AKAP6: variants seen among roughly 807,000 people sequenced by gnomAD.
AKAP6 encodes A-kinase anchor protein 6.
In AKAP6, 58 loss-of-function variants were observed where a neutral mutation model predicts 188.5. The ratio of observed to expected loss-of-function variants is 0.31; its 90% CI spans 0.25 to 0.38. The LOEUF (loss-of-function observed/expected upper bound fraction) is 0.38. AKAP6 is among the 10% of genes least tolerant of loss of function. The pLI is 1.00. For missense variants in AKAP6, 2,710 were observed against 2,740.0 expected (o/e 0.99, Z 0.24); for synonymous variants, 989 against 998.6 (o/e 0.99, Z 0.18).
At chr14:32,509,551 T>A (rs537465530) in intron 2 of AKAP6, among the ~76,000 whole-genome samples, 1 of 152,244 alleles carries the variant, frequency 6.6e-6, no homozygotes. Context: ...TAAAAAAGTT[T>A]AAAAAAATCC....
chr14:32,685,866 G>A (rs1054216604), intron 8 of AKAP6, among the ~76,000 whole-genome samples: 2 of 152,112 alleles, frequency 1.3e-5, no homozygotes, highest in Non-Finnish European at 2.9e-5. Flanking sequence ...AACCACTATG[G>A]AGAACAGTTT....
intron 7 of AKAP6, among the ~76,000 whole-genome samples, chr14:32,632,870 C>T (rs967685196): frequency 4.6e-5 from 7 of 152,030 alleles, no homozygotes; most frequent in African/African-American, 1.7e-4. Flanking sequence ...TTGGGGGTAA[C>T]TTGTTTGTAC....
At chr14:32,742,018 T>G (rs60325613) in intron 11 of AKAP6, among the ~76,000 whole-genome samples, 137 of 151,316 alleles carry the variant, frequency 9.1e-4, no homozygotes, top group African/African-American at 3.2e-3. Context: ...TTTTCTTTAC[T>G]GGGGGATTTT....
intron 2 of AKAP6, among the ~76,000 whole-genome samples, chr14:32,488,867 T>C (rs1256415139): frequency 2.6e-5 from 4 of 152,172 alleles, no homozygotes; most frequent in African/African-American, 9.7e-5. Flanking sequence ...CCCAACGAAA[T>C]GAGGTAGGTA....
intron 7 of AKAP6, among the ~76,000 whole-genome samples, chr14:32,618,799 T>C (rs1437108557): frequency 6.6e-6 from 1 of 152,202 alleles, no homozygotes; most frequent in African/African-American, 2.4e-5. Context: ...TTGTACTAAA[T>C]TACATTCCCA....
Position 32,739,319 on chromosome 14 carries a change from C to T in AKAP6, c.3372+3437C>T, listed in dbSNP as rs116011629. On this transcript the variant is annotated intron_variant, in intron 11 of 13. Coordinates refer to ENST00000280979, the MANE Select transcript of AKAP6 (RefSeq NM_004274.5). The stretch of plus-strand genomic sequence containing the variant: ...ACAGACATGCAATGGGTACTAATCA[C>T]GTCATGGAGAATGGGGTATCCATCC... 4.4e-3 allele frequency among the ~76,000 whole-genome samples: 667 copies of T among 152,086 alleles called. 10 individuals carry two copies. The highest frequency in any genetic ancestry group is 0.015 in the African/African-American group (630 of 41,508).
chr14:32,395,209 A>G (rs1455165868), intron 1 of AKAP6, among the ~76,000 whole-genome samples: 4 of 152,190 alleles, frequency 2.6e-5, no homozygotes, highest in Non-Finnish European at 4.4e-5. Flanking sequence ...GCACATGAGA[A>G]TGCAGAGGAT....
At position 32,730,563 on chromosome 14, in the gene AKAP6, G is replaced by C. The variant is rs140145450; in HGVS notation, c.3001-1891G>C. 6.7e-3 allele frequency among the ~76,000 whole-genome samples: 1,012 copies of C among 152,166 alleles called. 33 individuals carry two copies. The highest frequency in any genetic ancestry group is 0.05 in the Admixed American group (763 of 15,274). On this transcript the variant is annotated intron_variant, in intron 9 of 13. Transcript: ENST00000280979. Reference sequence around the variant, plus strand: ...AGCTGTTTAAAGTTGGGGTGAAGAGGGGGGGATGAGCTTGTCACAAGTTAA... The same window carrying C: ...AGCTGTTTAAAGTTGGGGTGAAGAGCGGGGGATGAGCTTGTCACAAGTTAA...
intron 9 of AKAP6, among the ~76,000 whole-genome samples, chr14:32,718,685 G>T (rs955201675): frequency 6.6e-6 from 1 of 152,094 alleles, no homozygotes; most frequent in Admixed American, 6.6e-5. Context: ...TGAAAATTGA[G>T]AATAATATTC....
At chr14:32,794,488 A>G (rs529406806) in intron 12 of AKAP6, among the ~76,000 whole-genome samples, 1 of 152,290 alleles carries the variant, frequency 6.6e-6, no homozygotes, top group South Asian at 2.1e-4. Flanking sequence ...TGAACCCAGG[A>G]GGCAGATATT....
chr14:32,384,012 G>A (rs1345043188), intron 1 of AKAP6, among the ~76,000 whole-genome samples: 1 of 152,178 alleles, frequency 6.6e-6, no homozygotes, highest in Non-Finnish European at 1.5e-5. Flanking sequence ...CCAAGGGTAG[G>A]CTGTTAATGG....
chr14:32,607,551 C>A (rs551966107), intron 7 of AKAP6, among the ~76,000 whole-genome samples: 1 of 152,184 alleles, frequency 6.6e-6, no homozygotes, highest in African/African-American at 2.4e-5. Flanking sequence ...TGCCCAGTGC[C>A]AGGCCAGACA....
intron 5 of AKAP6, among the ~76,000 whole-genome samples, chr14:32,583,429 G>GGGGTCA (rs1885074230): frequency 6.6e-6 from 1 of 152,054 alleles, no homozygotes; most frequent in Non-Finnish European, 1.5e-5. Flanking sequence ...TAGGCTGCTC[G>GGGGTCA]GGGGTCAGGG....
Position 32,823,112 on chromosome 14 carries a change from G to C in AKAP6, c.5299G>C (p.Glu1767Gln), listed in dbSNP as rs1426344273. 1.2e-6 allele frequency: 2 copies of C among 1,613,794 alleles called. No individual in the cohort carries two copies. The highest frequency in any genetic ancestry group is 3.3e-5 in the Admixed American group (2 of 59,928). ...SSSTLTLTEEELCIKDEDDDS... is the reference protein window; with the variant it reads ...SSSTLTLTEEQLCIKDEDDDS... ...CTCTACCCTTACCTTGACTGAAGAA[G>C]AGCTGTGCATCAAAGATGAGGATGA... Residue 1767 changes from glutamate (E) to glutamine (Q), a missense_variant, in exon 13 of 14, where the codon GAG becomes CAG. This residue lies in a region of AKAP6 where 2,473 missense variants were observed against 2,426.1 expected (regional missense o/e 1.02). Coordinates refer to ENST00000280979, the MANE Select transcript of AKAP6 (RefSeq NM_004274.5).
chr14:32,708,299 C>T (rs183850306), intron 9 of AKAP6, among the ~76,000 whole-genome samples: 11 of 151,790 alleles, frequency 7.2e-5, no homozygotes, highest in Admixed American at 2.0e-4. Context: ...CCGAAAATGT[C>T]GTCAGTAAGG....
At chr14:32,525,831 T>G (rs976449429) in intron 2 of AKAP6, among the ~76,000 whole-genome samples, 3 of 152,184 alleles carry the variant, frequency 2.0e-5, no homozygotes, top group Admixed American at 6.5e-5. Flanking sequence ...TAAGACACAT[T>G]TCCTGCTTCT....
chr14:32,512,014 G>A (rs994564125), intron 2 of AKAP6, among the ~76,000 whole-genome samples: 1 of 151,994 alleles, frequency 6.6e-6, no homozygotes, highest in African/African-American at 2.4e-5. Flanking sequence ...CCCTCATTTT[G>A]TTTCTTTAAT....
intron 4 of AKAP6, among the ~76,000 whole-genome samples, chr14:32,557,351 C>T (rs948855400): frequency 1.3e-5 from 2 of 152,182 alleles, no homozygotes; most frequent in African/African-American, 4.8e-5. Context: ...TCCATCTTGG[C>T]CTCCTAAAGT....
Position 32,490,294 on chromosome 14 carries a change from C to T in AKAP6, c.325-45260C>T, listed in dbSNP as rs568736694. 2.6e-5 allele frequency among the ~76,000 whole-genome samples: 4 copies of T among 152,270 alleles called. No homozygotes were observed. The East Asian group carries it at 7.7e-4, about 29-fold the overall frequency. On this transcript the variant is annotated intron_variant, in intron 2 of 13. Coordinates refer to ENST00000280979, the MANE Select transcript of AKAP6 (RefSeq NM_004274.5). ...GCTTAGCTCGGGCTCAGAGGCCTGA[C>T]ATTGCTGTCTTTTGCTCAACATGTT...
Sources: allele counts gnomAD v4.1 joint callset (sites outside exome capture counted in the v4.1 genomes callset), GRCh38; gene constraint gnomAD v4.1.1; regional missense constraint gnomAD v4.1.1; transcripts MANE v1.5; gene names NCBI Gene and HGNC (gene_info 2026-07-23, HGNC 2026-07-21).